Variants in TSPAN7 observed in about 807,000 individuals in gnomAD.
The protein encoded by TSPAN7 is tetraspanin-7.
A neutral mutation model predicts 17.6 loss-of-function variants in TSPAN7; 1 was observed. The ratio of observed to expected loss-of-function variants is 0.06; its 90% confidence interval spans 0.02 to 0.27. The LOEUF is 0.27. TSPAN7 is among the 10% of genes least tolerant of loss of function. The pLI is 1.00. For synonymous variants in TSPAN7, 78 were observed against 79.0 expected (o/e 0.99, Z 0.07); for missense variants, 112 against 201.7 (o/e 0.56, Z 2.69).
chrX:38,639,946 C>G (rs935629228), intron 1 of TSPAN7, among the ~76,000 whole-genome samples: 1 of 111,394 alleles, frequency 9.0e-6, no homozygotes, highest in Non-Finnish European at 1.9e-5. Context: ...ATTCTTCTTT[C>G]TGGATTCTTC....
rs1461831750 is a variant in TSPAN7 at position 38,594,818 on chromosome X, T to A, written c.81+33191T>A. 3.6e-5 allele frequency among the ~76,000 whole-genome samples: 4 copies of A among 112,049 alleles called. No homozygotes were observed. The Admixed American group carries it at 3.8e-4, about 11-fold the overall frequency. On this transcript the variant is annotated intron_variant, in intron 1 of 7. Coordinates refer to ENST00000378482, the MANE Select transcript of TSPAN7 (RefSeq NM_004615.4). ...TGCCATGGTCAAATTAATTAACATA[T>A]CCATTATCGCTCAGAGTTACCATTT...
chrX:38,568,681 A>G (rs1166967114), intron 1 of TSPAN7, among the ~76,000 whole-genome samples: 1 of 110,309 alleles, frequency 9.1e-6, no homozygotes. Context: ...TTTTCTGTAT[A>G]CCTTTCAATC....
chrX:38,659,823 C>CTTTTTTTTTTTTT (rs748922281), intron 1 of TSPAN7, among the ~76,000 whole-genome samples: 6 of 61,590 alleles, frequency 9.7e-5, no homozygotes, highest in African/African-American at 1.9e-4. Context: ...TTTTCTTTTT[C>CTTTTTTTTTTTTT]TTTTTTTTTT....
chrX:38,640,109 A>G (rs887064035), intron 1 of TSPAN7, among the ~76,000 whole-genome samples: 10 of 111,935 alleles, frequency 8.9e-5, no homozygotes, highest in African/African-American at 3.3e-4. Context: ...CAGGAGAAGG[A>G]GAAGTAGGTT....
chrX:38,588,327 C>T (rs989936480), intron 1 of TSPAN7, among the ~76,000 whole-genome samples: 2 of 111,179 alleles, frequency 1.8e-5, no homozygotes, highest in Non-Finnish European at 3.8e-5. Flanking sequence ...CACTGGAGCA[C>T]TGAAACATTT....
chrX:38,681,127 GGAGTGTTTC>G lies in TSPAN7; in HGVS notation c.598-72_598-64del, dbSNP rs760443494. On this transcript the variant is annotated intron_variant, in intron 5 of 7. Coordinates refer to ENST00000378482, the MANE Select transcript of TSPAN7 (RefSeq NM_004615.4). ...TGAATTAAGGTTGAAGTGTATGTTG[GGAGTGTTTC>G]GAGTACACATAGCCCAGCTTGGCCT... 3.9e-6 allele frequency: 3 copies of G among 770,706 alleles called. No homozygotes were observed. In the African/African-American group the frequency reaches 6.1e-5, roughly 16 times the overall value. The allele number at this position is 770,706 out of a possible 1,213,427, so 63.5% of individuals were successfully genotyped here.
intron 1 of TSPAN7, among the ~76,000 whole-genome samples, chrX:38,629,265 C>T (rs138505144): frequency 0.01 from 1,173 of 112,157 alleles, 10 homozygotes; most frequent in African/African-American, 0.035. Flanking sequence ...AGCATTAAGA[C>T]GGTGATGTGA....
At chrX:38,576,658 C>T (rs1347663156) in intron 1 of TSPAN7, among the ~76,000 whole-genome samples, 2 of 111,707 alleles carry the variant, frequency 1.8e-5, no homozygotes, top group Middle Eastern at 4.2e-3. Flanking sequence ...GGAAAGGTCA[C>T]GTGGACAGAG....
intron 3 of TSPAN7, among the ~76,000 whole-genome samples, chrX:38,671,886 T>TA (rs945022509): frequency 3.7e-5 from 4 of 109,483 alleles, no homozygotes; most frequent in Admixed American, 9.8e-5. Flanking sequence ...CTCTAAAAAA[T>TA]AAAAAAAATA....
rs1050211400 is a variant in TSPAN7, at chrX:38,624,789, C to G, written c.82-41332C>G. Among the ~76,000 whole-genome samples, 29 of 112,930 alleles carry G rather than the reference C, an allele frequency of 2.6e-4. No individual in the cohort carries two copies. In the South Asian group the frequency reaches 3.6e-3, roughly 14 times the overall value. On this transcript the variant is annotated intron_variant, in intron 1 of 7. Transcript: ENST00000378482. ...CAAACTTGGCTGTACGTTGGTATCA[C>G]CTGGGTTTTAAGGAATATTCATGCC...
chrX:38,647,251 TA>T (rs2069649938), intron 1 of TSPAN7, among the ~76,000 whole-genome samples: 1 of 112,164 alleles, frequency 8.9e-6, no homozygotes, highest in Admixed American at 9.5e-5. Context: ...AGTTAATACA[TA>T]AACCCTCATG....
chrX:38,567,833 G>T (rs5963514), intron 1 of TSPAN7, among the ~76,000 whole-genome samples: 10,845 of 111,245 alleles, frequency 0.097, 455 homozygotes, highest in East Asian at 0.27. Context: ...TCCCTATATT[G>T]TAGTAGACCC....
At chrX:38,674,392 G>T (rs1260278855) in intron 4 of TSPAN7, 76 bp downstream of exon 4, 1 of 910,439 alleles carries the variant, frequency 1.1e-6, no homozygotes, top group African/African-American at 2.0e-5. Context: ...CTGTAGGTTG[G>T]CCCAGTAGTT....
chrX:38,614,768 C>T (rs186589009), intron 1 of TSPAN7, among the ~76,000 whole-genome samples: 1 of 112,024 alleles, frequency 8.9e-6, no homozygotes, highest in East Asian at 2.8e-4. Flanking sequence ...TTTTCTGGCC[C>T]ACCCAGTAGA....
chrX:38,663,056 G>A (rs1428891608), intron 1 of TSPAN7, among the ~76,000 whole-genome samples: 1 of 110,033 alleles, frequency 9.1e-6, no homozygotes, highest in East Asian at 2.8e-4. Context: ...ATACAAAAAA[G>A]AAACACGTTT....
At chrX:38,565,396 A>C (rs1315779075) in intron 1 of TSPAN7, among the ~76,000 whole-genome samples, 1 of 110,937 alleles carries the variant, frequency 9.0e-6, no homozygotes, top group East Asian at 2.8e-4. Context: ...CGCCCGGCTA[A>C]TTTTTGTATT....
At chrX:38,630,991 C>T (rs185870711) in intron 1 of TSPAN7, among the ~76,000 whole-genome samples, 18 of 112,021 alleles carry the variant, frequency 1.6e-4, no homozygotes, top group African/African-American at 5.5e-4. Flanking sequence ...ATATTTTTCC[C>T]CTTTAAATTG....
At chrX:38,568,919 T>A (rs892798881) in intron 1 of TSPAN7, among the ~76,000 whole-genome samples, 1 of 111,453 alleles carries the variant, frequency 9.0e-6, no homozygotes, top group East Asian at 2.8e-4. Flanking sequence ...AAGCTTCTTT[T>A]TGAGGTCTGA....
At chrX:38,612,857 T>G (rs2069428484) in intron 1 of TSPAN7, among the ~76,000 whole-genome samples, 1 of 111,506 alleles carries the variant, frequency 9.0e-6, no homozygotes, top group Admixed American at 9.6e-5. Flanking sequence ...ACCTGATTTC[T>G]TTTTCTCTCT....
Sources: allele counts gnomAD v4.1 joint callset (sites outside exome capture counted in the v4.1 genomes callset), GRCh38; gene constraint gnomAD v4.1.1; transcripts MANE v1.5; gene names NCBI Gene and HGNC (gene_info 2026-07-23, HGNC 2026-07-21).